Variants in SIAH3 observed in about 807,000 individuals in gnomAD.
SIAH3 encodes siah E3 ubiquitin protein ligase family member 3.
In SIAH3, 9 loss-of-function variants were observed where a neutral mutation model predicts 12.6. The ratio of observed to expected loss-of-function variants is 0.72; its 90% CI spans 0.43 to 1.25. The LOEUF is 1.25. Among genes scored for constraint, SIAH3 ranks in the 50% most tolerant of loss-of-function variants. The probability of loss-of-function intolerance (pLI) is 0.00; values close to 1 mark genes in which losing one functional copy is unlikely to be tolerated. For synonymous variants in SIAH3, 154 were observed against 151.1 expected (o/e 1.02, Z -0.14); for missense variants, 390 against 365.4 (o/e 1.07, Z -0.55).
intron 1 of SIAH3, among the ~76,000 whole-genome samples, chr13:45,784,572 G>GCCCTTCTCCTGCA (rs1950520884): frequency 6.6e-6 from 1 of 151,836 alleles, no homozygotes; most frequent in Non-Finnish European, 1.5e-5. Flanking sequence ...TGTCTTGGGC[G>GCCCTTCTCCTGCA]CCCTTCTCCT....
intron 1 of SIAH3, among the ~76,000 whole-genome samples, chr13:45,826,716 C>T (rs3749397): frequency 0.15 from 23,060 of 152,018 alleles, 3,045 homozygotes; most frequent in African/African-American, 0.36. Flanking sequence ...TAGGAGTTTA[C>T]AGTCCAGGAG....
chr13:45,797,214 T>G (rs970982725), intron 1 of SIAH3, among the ~76,000 whole-genome samples: 1 of 151,810 alleles, frequency 6.6e-6, no homozygotes, highest in African/African-American at 2.4e-5. Context: ...TGTTCATATT[T>G]CCCCCATTGG....
At chr13:45,835,726 G>A (rs1008712754) in intron 1 of SIAH3, among the ~76,000 whole-genome samples, 3 of 152,282 alleles carry the variant, frequency 2.0e-5, no homozygotes, top group Admixed American at 6.5e-5. Context: ...CTGTGAGCTC[G>A]GACCCAGTCT....
intron 1 of SIAH3, among the ~76,000 whole-genome samples, chr13:45,834,781 G>T (rs569057442): frequency 7.2e-5 from 11 of 152,256 alleles, no homozygotes; most frequent in African/African-American, 9.6e-5. Context: ...GAACTCCTGA[G>T]TTCACAATCC....
At chr13:45,800,341 T>C (rs1950577335) in intron 1 of SIAH3, among the ~76,000 whole-genome samples, 1 of 152,232 alleles carries the variant, frequency 6.6e-6, no homozygotes, top group Admixed American at 6.5e-5. Flanking sequence ...GAATGTAGCA[T>C]AATTGGTTTT....
In SIAH3 at chr13:45,794,367, C is replaced by T. The variant is rs182661504; in HGVS notation, c.136-10310G>A. Among the ~76,000 whole-genome samples the T allele has an allele frequency of 2.0e-5, 3 of 152,204 alleles. No individual in the cohort carries two copies. The East Asian group carries it at 5.8e-4, about 29-fold the overall frequency. On this transcript the variant is annotated intron_variant, in intron 1 of 1. Coordinates refer to ENST00000400405, the MANE Select transcript of SIAH3 (RefSeq NM_198849.3). The stretch of plus-strand genomic sequence containing the variant: ...GTGCTAATACCAGAGATACAAAGGA[C>T]GTTGTATAGTGCTTAGTCCAGAGCA...
At chr13:45,827,904 G>C (rs1950684652) in intron 1 of SIAH3, among the ~76,000 whole-genome samples, 1 of 152,156 alleles carries the variant, frequency 6.6e-6, no homozygotes, top group Admixed American at 6.5e-5. Context: ...CTGGCTTCAT[G>C]GACATCCAAT....
rs923822750 is a variant in SIAH3, at chr13:45,777,651, C to T, written c.*5732G>A. 1 of 152,140 alleles carries T rather than the reference C, an allele frequency of 6.6e-6. No homozygotes were observed. Among genetic ancestry groups the T allele is most frequent in the African/African-American group, 2.4e-5 (1 of 41,426 alleles). The allele number at this position is 152,140 out of a possible 1,614,324, so 9.4% of individuals were successfully genotyped here. ...TTCCAGGTGAACACAATGGGGAACT[C>T]ACCAATTCCTGAAGAAAATCTTATG... On this transcript the variant is annotated 3_prime_UTR_variant, in exon 2 of 2. Coordinates refer to ENST00000400405, the MANE Select transcript of SIAH3 (RefSeq NM_198849.3).
chr13:45,799,381 G>A (rs1310169143), intron 1 of SIAH3, among the ~76,000 whole-genome samples: 1 of 152,186 alleles, frequency 6.6e-6, no homozygotes, highest in Non-Finnish European at 1.5e-5. Flanking sequence ...GCGTTAAAAT[G>A]TGTTTTAAAT....
intron 1 of SIAH3, among the ~76,000 whole-genome samples, chr13:45,821,994 T>G (rs112035008): frequency 6.6e-6 from 1 of 152,158 alleles, no homozygotes; most frequent in African/African-American, 2.4e-5. Flanking sequence ...TTGTAGGGAA[T>G]GCTTCACACC....
At chr13:45,803,234 T>G (rs77933019) in intron 1 of SIAH3, among the ~76,000 whole-genome samples, 3,202 of 152,314 alleles carry the variant, frequency 0.021, 106 homozygotes, top group African/African-American at 0.071. Flanking sequence ...CCTATTCAAA[T>G]GCCTAAAGCT....
intron 1 of SIAH3, 122 bp from the exon 2 acceptor site, chr13:45,784,179 C>A: frequency 2.1e-6 from 2 of 934,622 alleles, no homozygotes; most frequent in South Asian, 1.7e-5. Context: ...AGGTTCATTT[C>A]TTAAACAACA....
rs4942435 is a variant in SIAH3 at position 45,781,651 on chromosome 13, A to G, written c.*1732T>C. On this transcript the variant is annotated 3_prime_UTR_variant, in exon 2 of 2. Coordinates refer to ENST00000400405, the MANE Select transcript of SIAH3 (RefSeq NM_198849.3). ...CCAGGGGCCCAGCGATTACTGTGTGACCAGAGCAGCCTCTGTTATTAAATC... is the reference window on the plus strand; with the variant it reads ...CCAGGGGCCCAGCGATTACTGTGTGGCCAGAGCAGCCTCTGTTATTAAATC... The G allele has an allele frequency of 0.36, 54,050 of 152,174 alleles. 9,710 individuals are homozygous for G. Among genetic ancestry groups the G allele is most frequent in the Middle Eastern group, 0.41 (121 of 294 alleles). The allele number at this position is 152,174 out of a possible 1,614,324, so 9.4% of individuals were successfully genotyped here. A position where few individuals can be genotyped will look rare whatever the true frequency, so the allele number is the denominator to read the frequency against.
intron 1 of SIAH3, among the ~76,000 whole-genome samples, chr13:45,837,033 T>G (rs546243847): frequency 3.2e-4 from 49 of 152,182 alleles, no homozygotes; most frequent in Non-Finnish European, 5.4e-4. Flanking sequence ...GCCCCATGCC[T>G]CCCAGTGAAG....
intron 1 of SIAH3, among the ~76,000 whole-genome samples, chr13:45,831,045 G>A (rs954195995): frequency 1.3e-5 from 2 of 151,976 alleles, no homozygotes; most frequent in African/African-American, 4.8e-5. Context: ...CAGGCATGGT[G>A]GTGCATGTCT....
chr13:45,783,306 A>C lies in SIAH3; in HGVS notation c.*77T>G. 9.8e-7 allele frequency: 1 copy of C among 1,021,064 alleles called. No homozygotes were observed. The highest frequency in any genetic ancestry group is 1.4e-6 in the Non-Finnish European group (1 of 712,048). 63.3% of individuals were successfully genotyped at this position (1,021,064 alleles called of 1,614,324 possible). ...AAAAGAAAGGAGAAGAATAAAAAGG[A>C]GTCTGGAGTCCTGGTATTGGGAGGT... On this transcript the variant is annotated 3_prime_UTR_variant, in exon 2 of 2. Transcript: ENST00000400405.
intron 1 of SIAH3, among the ~76,000 whole-genome samples, chr13:45,826,378 T>C (rs1566094817): frequency 3.0e-4 from 5 of 16,592 alleles, no homozygotes; most frequent in African/African-American, 8.2e-4. Context: ...GATGGATGAA[T>C]GAATGGATGG....
intron 1 of SIAH3, among the ~76,000 whole-genome samples, chr13:45,807,941 C>T (rs1167894341): frequency 1.3e-5 from 2 of 152,268 alleles, no homozygotes; most frequent in East Asian, 3.9e-4. Flanking sequence ...ACTCAAAGCT[C>T]ATTACTTCCT....
At chr13:45,833,409 G>T (rs2137578235) in intron 1 of SIAH3, among the ~76,000 whole-genome samples, 1 of 152,134 alleles carries the variant, frequency 6.6e-6, no homozygotes, top group Non-Finnish European at 1.5e-5. Context: ...TTTTGGTACT[G>T]ACCAGCTGCT....
Sources: allele counts gnomAD v4.1 joint callset (sites outside exome capture counted in the v4.1 genomes callset), GRCh38; gene constraint gnomAD v4.1.1; transcripts MANE v1.5; gene names NCBI Gene and HGNC (gene_info 2026-07-23, HGNC 2026-07-21).